The following ADAMTS12 variants were observed in gnomAD, a reference collection of about 807,000 sequenced individuals.
ADAMTS12 encodes ADAM metallopeptidase with thrombospondin type 1 motif 12.
ADAMTS12 carries 118 observed loss-of-function variants against 167.8 expected under a neutral mutation model. The ratio of observed to expected loss-of-function variants is 0.70; its 90% CI spans 0.61 to 0.82. ADAMTS12 has a LOEUF of 0.82. Ranked by LOEUF, ADAMTS12 falls within the 40% of genes least tolerant of loss-of-function variation. ADAMTS12 has a pLI of 0.00. For missense variants in ADAMTS12, 1,916 were observed against 1,998.8 expected, an observed-to-expected ratio of 0.96 and a Z score of 0.79; for synonymous variants, 704 against 716.9, an observed-to-expected ratio of 0.98 and a Z score of 0.29.
At chr5:33,642,815 A>T (rs1041389306) in intron 10 of ADAMTS12, among the ~76,000 whole-genome samples, 1 of 152,132 alleles carries the variant, frequency 6.6e-6, no homozygotes, top group Non-Finnish European at 1.5e-5. Flanking sequence ...TGCCACACTC[A>T]AGCTGCATAA....
At chr5:33,622,520 G>A (rs771708699) in intron 14 of ADAMTS12, among the ~76,000 whole-genome samples, 3 of 152,104 alleles carry the variant, frequency 2.0e-5, no homozygotes, top group Non-Finnish European at 4.4e-5. Context: ...TGGGTGTGCT[G>A]GCGTGCACCT....
intron 5 of ADAMTS12, among the ~76,000 whole-genome samples, chr5:33,679,654 A>C (rs765843501): frequency 2.0e-5 from 3 of 152,138 alleles, no homozygotes; most frequent in Non-Finnish European, 4.4e-5. Context: ...TTCCTATCCC[A>C]GTACTTCTAT....
At chr5:33,754,909 G>A (rs1161733849) in intron 2 of ADAMTS12, among the ~76,000 whole-genome samples, 1 of 152,096 alleles carries the variant, frequency 6.6e-6, no homozygotes, top group Non-Finnish European at 1.5e-5. Context: ...TGCTTCCCAA[G>A]TCTACTAAAA....
Position 33,684,033 on chromosome 5 carries a change from C to A in ADAMTS12, c.657G>T (p.Lys219Asn). The A allele has an allele frequency of 6.2e-7, 1 of 1,601,818 alleles. No individual in the cohort carries two copies. The highest frequency in any genetic ancestry group is 8.5e-7 in the Non-Finnish European group (1 of 1,174,150). ...CCCACTTCTCCCGCCATAGCTCTTGCTTCTGGGAGATGTTAACACTGTCTA... is the reference window on the plus strand; with the variant it reads ...CCCACTTCTCCCGCCATAGCTCTTGATTCTGGGAGATGTTAACACTGTCTA... Reference protein sequence around the residue: ...GLKDSVNISQKQELWREKWER... With the variant: ...GLKDSVNISQNQELWREKWER... The change falls in exon 4 of 24, where the codon AAG becomes AAT. Residue 219 changes from lysine (K) to asparagine (N), a missense_variant. By Grantham distance (94) the Lys-to-Asn change is moderately conservative (BLOSUM62 0). Coordinates refer to ENST00000504830, the MANE Select transcript of ADAMTS12 (RefSeq NM_030955.4).
chr5:33,710,930 G>C (rs78558389), intron 3 of ADAMTS12, among the ~76,000 whole-genome samples: 5,579 of 152,122 alleles, frequency 0.037, 209 homozygotes, highest in East Asian at 0.17. Flanking sequence ...GTGAATGTGG[G>C]GCAAGTGGTC....
chr5:33,716,707 C>G (rs149288592), intron 3 of ADAMTS12, among the ~76,000 whole-genome samples: 1 of 152,020 alleles, frequency 6.6e-6, no homozygotes, highest in East Asian at 1.9e-4. Flanking sequence ...AGTTCAGCCA[C>G]GAACAAAATA....
chr5:33,733,727 A>G (rs532371176), intron 3 of ADAMTS12, among the ~76,000 whole-genome samples: 19 of 152,294 alleles, frequency 1.2e-4, no homozygotes, highest in African/African-American at 3.8e-4. Context: ...TGAAAGGATC[A>G]TAAGTGTCAT....
At chr5:33,584,762 A>G (rs1326873418) in intron 18 of ADAMTS12, among the ~76,000 whole-genome samples, 1 of 152,208 alleles carries the variant, frequency 6.6e-6, no homozygotes, top group African/African-American at 2.4e-5. Flanking sequence ...AGGGCTGGAA[A>G]ACCTAGAAAA....
At chr5:33,625,497 T>TTAG (rs942386316) in intron 13 of ADAMTS12, among the ~76,000 whole-genome samples, 8 of 152,164 alleles carry the variant, frequency 5.3e-5, no homozygotes, top group Non-Finnish European at 8.8e-5. Flanking sequence ...CTTCACTGAT[T>TTAG]TAGAATGAGC....
chr5:33,598,791 C>T (rs1477334927), intron 16 of ADAMTS12, among the ~76,000 whole-genome samples: 1 of 152,194 alleles, frequency 6.6e-6, no homozygotes, highest in African/African-American at 2.4e-5. Context: ...TCCCATTCAG[C>T]GTGCTCTTCT....
rs1024075031 is a variant in ADAMTS12, at chr5:33,606,613, T to TC, written c.2527+7624dup. ...GAGGACAGAAGAATGAAGAAAAATC[T>TC]CCCCCACCTAACCAAAGTAGGACTG... On this transcript the variant is annotated intron_variant, in intron 16 of 23. Coordinates refer to ENST00000504830, the MANE Select transcript of ADAMTS12 (RefSeq NM_030955.4). Among the ~76,000 whole-genome samples, 11 of 152,230 alleles carry TC rather than the reference T, an allele frequency of 7.2e-5. 1 individual carries two copies. In the South Asian group the frequency reaches 1.2e-3, roughly 17 times the overall value.
intron 6 of ADAMTS12, 52 bp from the exon 7 acceptor site, chr5:33,658,385 ACCTCCTGG>A: frequency 3.1e-6 from 5 of 1,591,630 alleles, no homozygotes; most frequent in Admixed American, 3.5e-5. Context: ...ATCTGGAAAA[ACCTCCTGG>A]AAAAAAATCT....
intron 5 of ADAMTS12, among the ~76,000 whole-genome samples, chr5:33,677,223 A>G (rs1233345714): frequency 6.6e-6 from 1 of 152,206 alleles, no homozygotes; most frequent in African/African-American, 2.4e-5. Flanking sequence ...GAGCTAAATG[A>G]TGATGATGAT....
intron 3 of ADAMTS12, among the ~76,000 whole-genome samples, chr5:33,686,777 A>C (rs543108098): frequency 4.0e-4 from 61 of 151,254 alleles, no homozygotes; most frequent in African/African-American, 1.3e-3. Context: ...ATATATATAT[A>C]TATATTCAGT....
chr5:33,639,496 G>T (rs1182707985), intron 11 of ADAMTS12, among the ~76,000 whole-genome samples: 3 of 152,220 alleles, frequency 2.0e-5, no homozygotes, highest in Non-Finnish European at 2.9e-5. Flanking sequence ...TTGTCCTGGA[G>T]AATGGTCTTA....
rs1554032752 is a variant in ADAMTS12 at position 33,658,342 on chromosome 5, A to G, written c.1041-9T>C. ...CAGCACAGATGTCCTTTCTGAAAGC[A>G]GAGAATACAGAAGCTAAGGCGCCCA... On this transcript the variant is annotated splice_polypyrimidine_tract_variant and intron_variant, in intron 6 of 23. Transcript: ENST00000504830. 6.2e-7 allele frequency: 1 copy of G among 1,612,840 alleles called. No homozygotes were observed. The highest frequency in any genetic ancestry group is 8.5e-7 in the Non-Finnish European group (1 of 1,179,178).
intron 2 of ADAMTS12, among the ~76,000 whole-genome samples, chr5:33,852,952 G>C (rs1749272648): frequency 6.6e-6 from 1 of 152,162 alleles, no homozygotes; most frequent in African/African-American, 2.4e-5. Flanking sequence ...ATTTAGTCAG[G>C]GGTCTAGAAC....
intron 13 of ADAMTS12, among the ~76,000 whole-genome samples, chr5:33,629,687 T>C (rs748272896): frequency 1.3e-5 from 2 of 152,198 alleles, no homozygotes; most frequent in Non-Finnish European, 2.9e-5. Context: ...CAACCTTGGA[T>C]TGGCGTCACC....
chr5:33,751,640 C>G, intron 2 of ADAMTS12, 92 bp from the exon 3 acceptor site: 2 of 1,270,956 alleles, frequency 1.6e-6, no homozygotes, highest in Non-Finnish European at 2.2e-6. Context: ...ATGAGTATCT[C>G]TGAAACTCCT....
Sources: gnomAD v4.1 joint callset for allele counts (sites outside exome capture counted in the v4.1 genomes callset) on GRCh38, gnomAD v4.1.1 for gene constraint, MANE v1.5 for transcripts, NCBI Gene and HGNC (gene_info 2026-07-23, HGNC 2026-07-21) for gene names.